Variants in XRN1 observed in about 807,000 individuals in gnomAD.
XRN1 encodes strand-exchange protein 1 homolog.
Under a neutral mutation model 222.3 loss-of-function variants are expected in XRN1, and 67 were observed. That is an observed-to-expected ratio of 0.30 (90% CI 0.25 to 0.37). The LOEUF is 0.37. XRN1 is among the 10% of genes least tolerant of loss of function. XRN1 has a pLI of 1.00. For missense variants in XRN1, 1,707 were observed against 2,000.2 expected, an observed-to-expected ratio of 0.85 and a Z score of 2.80; for synonymous variants, 643 against 652.4, an observed-to-expected ratio of 0.99 and a Z score of 0.22.
intron 20 of XRN1, 58 bp downstream of exon 20, chr3:142,397,265 AGAGAAT>A: frequency 5.6e-6 from 8 of 1,427,426 alleles, no homozygotes; most frequent in Non-Finnish European, 7.5e-6. Context: ...AAAATAAGTT[AGAGAAT>A]GAGTACATTA....
chr3:142,410,486 T>C (rs1051359137), intron 15 of XRN1, among the ~76,000 whole-genome samples: 1 of 127,788 alleles, frequency 7.8e-6, no homozygotes, highest in Non-Finnish European at 1.6e-5. Flanking sequence ...TTCTATCTCA[T>C]GTTTTTTTTT....
intron 8 of XRN1, 26 bp from the exon 9 acceptor site, chr3:142,421,569 G>T: frequency 6.6e-7 from 1 of 1,518,480 alleles, no homozygotes; most frequent in Non-Finnish European, 9.0e-7. Flanking sequence ...ATTTAAATCT[G>T]TACTAAAAGC....
At chr3:142,351,133 GTATC>G (rs1297952813) in intron 32 of XRN1, among the ~76,000 whole-genome samples, 12 of 151,694 alleles carry the variant, frequency 7.9e-5, no homozygotes, top group Non-Finnish European at 1.6e-4. Context: ...ATCTATCTAT[GTATC>G]TATCTATGTA....
At position 142,318,598 on chromosome 3, in the gene XRN1, G is replaced by C. The variant is rs1027315222; in HGVS notation, c.4615C>G (p.Pro1539Ala). The C allele has an allele frequency of 1.2e-6, 2 of 1,603,916 alleles. No homozygotes were observed. Among genetic ancestry groups the C allele is most frequent in the African/African-American group, 2.7e-5 (2 of 74,862 alleles). ...TAAATGAAAAATATCTTACCAGTAGGTGGGGGAAAGGCTGGAGGAATGGTT... is the reference window on the plus strand; with the variant it reads ...TAAATGAAAAATATCTTACCAGTAGCTGGGGGAAAGGCTGGAGGAATGGTT... Reference protein sequence around the residue: ...PGTIPPAFPPPTANIMPSSSH... With the variant: ...PGTIPPAFPPATANIMPSSSH... The change falls in exon 39 of 41, where the codon CCT becomes GCT. Residue 1539 changes from proline (P) to alanine (A), a missense_variant. Pro to Ala is a conservative substitution (Grantham distance 27). Transcript: ENST00000392981.
At chr3:142,426,287 C>T (rs2069243492) in intron 3 of XRN1, among the ~76,000 whole-genome samples, 1 of 152,102 alleles carries the variant, frequency 6.6e-6, no homozygotes. Flanking sequence ...AATTCATTTT[C>T]CTTAAAGTCA....
Position 142,417,131 on chromosome 3 carries a change from TTC to T in XRN1, c.1436+7_1436+8del. Reference sequence around the variant, plus strand: ...AGACAAAACTTTATTTTTGTTTTTATTCTCTCACCAGCTCCAGGACTGAACTC... The same window carrying T: ...AGACAAAACTTTATTTTTGTTTTTATTCTCACCAGCTCCAGGACTGAACTC... On this transcript the variant is annotated splice_region_variant and intron_variant, in intron 13 of 40. Transcript: ENST00000392981. 1 of 1,602,464 alleles carries T rather than the reference TTC, an allele frequency of 6.2e-7. No individual in the cohort carries two copies. Among genetic ancestry groups the T allele is most frequent in the East Asian group, 2.2e-5 (1 of 44,670 alleles).
intron 32 of XRN1, among the ~76,000 whole-genome samples, chr3:142,353,351 T>C (rs2066369060): frequency 6.6e-6 from 1 of 152,140 alleles, no homozygotes; most frequent in Non-Finnish European, 1.5e-5. Flanking sequence ...AAAAGCCCAA[T>C]AGCCAAGGCA....
chr3:142,313,255 T>A, intron 39 of XRN1: 1 of 1,499,542 alleles, frequency 6.7e-7, no homozygotes, highest in Non-Finnish European at 9.1e-7. Flanking sequence ...TTCTCTATTT[T>A]AATATTTGAA....
In XRN1 at chr3:142,385,516, A is replaced by C. The variant is rs114792301; in HGVS notation, c.2340-831T>G. 8.0e-3 allele frequency among the ~76,000 whole-genome samples: 1,217 copies of C among 152,282 alleles called. 4 individuals carry two copies. The highest frequency in any genetic ancestry group is 0.012 in the Non-Finnish European group (832 of 68,000). ...AGACAGCCTCCTAGTTTTTTAGATA[A>C]AAGTTTACTGGAACATAGTTATCCA... On this transcript the variant is annotated intron_variant, in intron 20 of 40. Coordinates refer to ENST00000392981, the MANE Select transcript of XRN1 (RefSeq NM_001282857.2).
intron 39 of XRN1, among the ~76,000 whole-genome samples, chr3:142,315,828 C>T (rs957414653): frequency 6.6e-6 from 1 of 152,112 alleles, no homozygotes; most frequent in Admixed American, 6.5e-5. Context: ...AAAAGATTTT[C>T]AACAGAAAAC....
intron 37 of XRN1, among the ~76,000 whole-genome samples, chr3:142,322,958 A>C (rs568951734): frequency 2.6e-5 from 4 of 152,078 alleles, no homozygotes; most frequent in African/African-American, 9.7e-5. Flanking sequence ...AGCTGAGATC[A>C]CAGCACTGCA....
At chr3:142,417,107 G>T in intron 13 of XRN1, 33 bp downstream of exon 13, 3 of 1,501,650 alleles carry the variant, frequency 2.0e-6, no homozygotes, top group Non-Finnish European at 1.8e-6. Flanking sequence ...ATTATAAAAA[G>T]ACAAAACTTT....
intron 6 of XRN1, 121 bp downstream of exon 6, chr3:142,423,439 T>C: frequency 6.3e-6 from 4 of 637,500 alleles, no homozygotes; most frequent in Non-Finnish European, 7.4e-6. Context: ...CAAAGGACAC[T>C]ATCAACATAG....
rs2068235488 is a variant in XRN1, at chr3:142,403,758, T to G, written c.2019A>C (p.Lys673Asn). 1 of 1,612,932 alleles carries G rather than the reference T, an allele frequency of 6.2e-7. No individual in the cohort carries two copies. The highest frequency in any genetic ancestry group is 8.5e-7 in the Non-Finnish European group (1 of 1,179,448). ...TTTGCTGGAATACTTGAACACCACT[T>G]TTCTTCAAAAAAAACTTTAAAAGAA... Reference protein sequence around the residue: ...KHIRHKFFLKKSGVQVFQQSS... With the variant: ...KHIRHKFFLKNSGVQVFQQSS... Residue 673 changes from lysine to asparagine, a missense_variant, in exon 18 of 41, where the codon AAA (lysine) becomes AAC (asparagine). Physicochemically the swap from Lys to Asn is moderately conservative, Grantham distance 94. Around this residue, in one of 2 missense-constraint regions of XRN1, gnomAD observed 1,234 missense variants for 1,518.2 expected, o/e 0.81. Coordinates refer to ENST00000392981, the MANE Select transcript of XRN1 (RefSeq NM_001282857.2).
intron 29 of XRN1, 43 bp from the exon 30 acceptor site, chr3:142,359,974 T>C (rs780963691): frequency 2.1e-6 from 3 of 1,401,066 alleles, no homozygotes; most frequent in African/African-American, 1.4e-5. Flanking sequence ...AAAAATCATA[T>C]GATGAAAAAT....
At chr3:142,381,563 CT>C (rs766961502) in intron 22 of XRN1, among the ~76,000 whole-genome samples, 2,455 of 84,190 alleles carry the variant, frequency 0.029, 51 homozygotes, top group African/African-American at 0.091. Flanking sequence ...TAAGTTATTG[CT>C]TTTTTTTTTT....
chr3:142,385,343 T>C lies in XRN1; in HGVS notation c.2340-658A>G, dbSNP rs112478745. Among the ~76,000 whole-genome samples, 782 of 152,310 alleles carry C rather than the reference T, an allele frequency of 5.1e-3. 9 individuals carry two copies. Among genetic ancestry groups the C allele is most frequent in the African/African-American group, 0.018 (760 of 41,586 alleles). ...ACAATGTGTATGAACTTCGAAAGCA[T>C]GCTAAATGAAAGAAGCCTGATACAA... is the stretch of plus-strand genomic sequence containing the variant. On this transcript the variant is annotated intron_variant, in intron 20 of 40. Coordinates refer to ENST00000392981, the MANE Select transcript of XRN1 (RefSeq NM_001282857.2).
chr3:142,376,674 G>C lies in XRN1; in HGVS notation c.2716-80C>G. On this transcript the variant is annotated intron_variant, in intron 23 of 40. Transcript: ENST00000392981. ...GTTATTTCTTTACCTTTAAAATCTG[G>C]AGATAATCAAGACATCACTAACCAT... 2.9e-6 allele frequency: 3 copies of C among 1,037,716 alleles called. No individual in the cohort carries two copies. In the South Asian group the frequency reaches 4.5e-5, roughly 15 times the overall value. The allele number at this position is 1,037,716 out of a possible 1,614,324, so 64.3% of individuals were successfully genotyped here. A position where few individuals can be genotyped will look rare whatever the true frequency, so the allele number is the denominator to read the frequency against.
rs2066570388 is a variant in XRN1, at chr3:142,359,929, T to C, written c.3397A>G (p.Asn1133Asp). 2.5e-6 allele frequency: 4 copies of C among 1,595,560 alleles called. No homozygotes were observed. The highest frequency in any genetic ancestry group is 3.4e-6 in the Non-Finnish European group (4 of 1,170,550). The change falls in exon 30 of 41, where the codon AAT (asparagine) becomes GAT (aspartate). Residue 1133 changes from asparagine to aspartate, a missense_variant and splice_region_variant. Transcript: ENST00000392981. ...TCAAATAGTACATCGGCTTCTCTAT[T>C]AGCTGTTACAATAGGGAGAGAAAAA... ...RGTIIGIKGA[N>D]READVLFEVL...
Sources: gnomAD v4.1 joint callset for allele counts (sites outside exome capture counted in the v4.1 genomes callset) on GRCh38, gnomAD v4.1.1 for gene constraint, gnomAD v4.1.1 regional missense constraint, MANE v1.5 for transcripts, NCBI Gene and HGNC (gene_info 2026-07-23, HGNC 2026-07-21) for gene names.